Variants in ECI2 observed in about 807,000 individuals in gnomAD.
The protein encoded by ECI2 is D3,D2-enoyl-CoA isomerase.
A neutral mutation model predicts 38.4 loss-of-function variants in ECI2; 27 were observed. The observed-to-expected ratio is 0.70, with a 90% CI of 0.52 to 0.97. ECI2 has a LOEUF of 0.97. Among genes scored for constraint, ECI2 ranks in the 50% least tolerant of loss-of-function variants. The pLI is 0.00. For missense variants in ECI2, 470 were observed against 474.4 expected (o/e 0.99, Z 0.09); for synonymous variants, 168 against 172.0 (o/e 0.98, Z 0.18).
At chr6:4,120,215 T>C (rs1485122046) in intron 7 of ECI2, among the ~76,000 whole-genome samples, 3 of 152,146 alleles carry the variant, frequency 2.0e-5, no homozygotes, top group African/African-American at 4.8e-5. Flanking sequence ...TGCTTAACAA[T>C]GGGGATATGT....
chr6:4,115,746 A>G lies in ECI2; in HGVS notation c.*128T>C, dbSNP rs6920490. ...TTTTATTCATCAGAGCTGTAGTGAA[A>G]TATCATCATTGTAATTGATATTCTA... On this transcript the variant is annotated 3_prime_UTR_variant, in exon 10 of 10. Transcript: ENST00000380118. 0.02 allele frequency: 27,352 copies of G among 1,366,302 alleles called. 332 individuals are homozygous for G. The highest frequency in any genetic ancestry group is 0.023 in the Non-Finnish European group (22,801 of 994,888). The allele number at this position is 1,366,302 out of a possible 1,614,324, so 84.6% of individuals were successfully genotyped here.
At chr6:4,130,220 T>A in intron 4 of ECI2, 152 bp downstream of exon 4, 1 of 1,613,630 alleles carries the variant, frequency 6.2e-7, no homozygotes, top group Non-Finnish European at 8.5e-7. Context: ...TCAACTCTGT[T>A]GTATGAAGTA....
At chr6:4,125,141 A>G in intron 7 of ECI2, 109 bp downstream of exon 7, 5 of 1,510,418 alleles carry the variant, frequency 3.3e-6, no homozygotes, top group Non-Finnish European at 4.5e-6. Context: ...AGTTAATTCT[A>G]CCACAAACAA....
intron 7 of ECI2, among the ~76,000 whole-genome samples, chr6:4,119,583 A>G (rs1189006905): frequency 6.6e-6 from 1 of 152,144 alleles, no homozygotes; most frequent in African/African-American, 2.4e-5. Flanking sequence ...GGCCTCCCAA[A>G]GTGCTAGGAT....
In ECI2 at chr6:4,130,450, A is replaced by C. The variant is rs969392819; in HGVS notation, c.423T>G (p.Thr141=). 6.8e-6 allele frequency: 11 copies of C among 1,614,074 alleles called. No individual in the cohort carries two copies. Among genetic ancestry groups the C allele is most frequent in the Non-Finnish European group, 8.5e-6 (10 of 1,180,038 alleles). ...TGCCATCTTCGGAGGTCACCACCAG[A>C]GTTTCAAACCCAGTTGATTTCCTGT... ...GTDRKSTGFE[T]LVVTSEDGIT... Residue 141 remains threonine (T), a synonymous_variant, in exon 4 of 10, where the codon ACT becomes ACG. Transcript: ENST00000380118.
chr6:4,116,282 C>T (rs111257254), intron 9 of ECI2, among the ~76,000 whole-genome samples: 3 of 150,918 alleles, frequency 2.0e-5, no homozygotes, highest in Non-Finnish European at 3.0e-5. Context: ...ACCCGGGAGG[C>T]GGAGGTTGCA....
At chr6:4,117,233 T>G (rs1442411137) in intron 9 of ECI2, 75 bp downstream of exon 9, 2 of 1,515,726 alleles carry the variant, frequency 1.3e-6, no homozygotes, top group African/African-American at 2.8e-5. Flanking sequence ...TTATGACTTA[T>G]TCTCTGAAGG....
intron 1 of ECI2, 176 bp from the exon 2 acceptor site, chr6:4,133,887 T>A: frequency 1.5e-6 from 1 of 654,806 alleles, no homozygotes; most frequent in Non-Finnish European, 2.3e-6. Flanking sequence ...TCCAAGATAA[T>A]AAGTCAATAC....
At chr6:4,119,600 C>G (rs1484434701) in intron 7 of ECI2, among the ~76,000 whole-genome samples, 1 of 152,176 alleles carries the variant, frequency 6.6e-6, no homozygotes, top group African/African-American at 2.4e-5. Context: ...GGATCACAGG[C>G]GTGAGCCACC....
intron 8 of ECI2, 60 bp downstream of exon 8, chr6:4,119,126 C>A (rs919469039): frequency 2.6e-6 from 3 of 1,137,798 alleles, no homozygotes; most frequent in Admixed American, 4.2e-5. Context: ...TATGAGATTA[C>A]TCTTCCTTCT....
At position 4,127,812 on chromosome 6, in the gene ECI2, C is replaced by T. The variant is rs763571704; in HGVS notation, c.521G>A (p.Arg174His). 19 of 1,612,476 alleles carry T rather than the reference C, an allele frequency of 1.2e-5. No individual in the cohort carries two copies. The highest frequency in any genetic ancestry group is 6.7e-5 in the East Asian group (3 of 44,812). The change falls in exon 5 of 10, where the codon CGT (arginine) becomes CAT (histidine). Residue 174 changes from arginine to histidine, a missense_variant. Coordinates refer to ENST00000380118, the MANE Select transcript of ECI2 (RefSeq NM_206836.3). ...ATCCTTGCTGGCAGCTTTAAGTGCA[C>T]GCATAATTTCATGATACATCTGTGT... The part of the protein sequence containing the change: ...INTEMYHEIM[R>H]ALKAASKDDS...
intron 4 of ECI2, chr6:4,130,171 G>A: frequency 3.1e-6 from 5 of 1,613,792 alleles, no homozygotes; most frequent in Non-Finnish European, 4.2e-6. Flanking sequence ...GGGTATATCA[G>A]AACCTACCTG....
chr6:4,119,106 A>G, intron 8 of ECI2, 80 bp downstream of exon 8: 1 of 1,169,622 alleles, frequency 8.5e-7, no homozygotes, highest in Admixed American at 2.3e-5. Flanking sequence ...AAGGGAAAGA[A>G]GGGAGAGTAT....
At chr6:4,121,817 C>G in intron 7 of ECI2, 1 of 372,976 alleles carries the variant, frequency 2.7e-6, no homozygotes, top group African/African-American at 2.1e-5. Flanking sequence ...TATAATCAGA[C>G]ACGCTGTTGT....
chr6:4,133,220 C>G (rs1773574226), intron 2 of ECI2, among the ~76,000 whole-genome samples: 1 of 152,128 alleles, frequency 6.6e-6, no homozygotes, highest in Non-Finnish European at 1.5e-5. Context: ...ACACTCTGTC[C>G]TTACTCAAAA....
At chr6:4,134,263 G>A (rs627902) in intron 1 of ECI2, among the ~76,000 whole-genome samples, 33,203 of 152,110 alleles carry the variant, frequency 0.22, 6,089 homozygotes, top group African/African-American at 0.5. Context: ...AGCAGTTGCT[G>A]GCATTCCAGA....
chr6:4,116,796 A>AGG (rs1772308590), intron 9 of ECI2, among the ~76,000 whole-genome samples: 1 of 152,182 alleles, frequency 6.6e-6, no homozygotes, highest in Non-Finnish European at 1.5e-5. Flanking sequence ...GTGCTTCTCA[A>AGG]AATTCAGTGT....
chr6:4,118,314 G>A (rs563418167), intron 8 of ECI2: 5 of 152,632 alleles, frequency 3.3e-5, no homozygotes, highest in Admixed American at 1.3e-4. Flanking sequence ...TTACAGGTGT[G>A]AGCCACTGCA....
intron 7 of ECI2, among the ~76,000 whole-genome samples, chr6:4,122,314 G>A (rs201699040): frequency 2.6e-5 from 4 of 150,974 alleles, no homozygotes; most frequent in Admixed American, 6.6e-5. Flanking sequence ...TCCGCCTCCC[G>A]GGTTCAAGCG....
Sources: gnomAD v4.1 joint callset for allele counts (sites outside exome capture counted in the v4.1 genomes callset) on GRCh38, gnomAD v4.1.1 for gene constraint, MANE v1.5 for transcripts, NCBI Gene and HGNC (gene_info 2026-07-23, HGNC 2026-07-21) for gene names.